COL19A1: variants seen among roughly 807,000 people sequenced by gnomAD.
The protein encoded by COL19A1 is collagen alpha-1(XIX) chain.
Under a neutral mutation model 190.2 loss-of-function variants are expected in COL19A1, and 159 were observed. The ratio of observed to expected loss-of-function variants is 0.84; its 90% CI spans 0.73 to 0.95. The LOEUF (loss-of-function observed/expected upper bound fraction) is 0.95, where lower values mean the gene tolerates loss of function less well. COL19A1 is among the 40% of genes least tolerant of loss of function. COL19A1 has a pLI of 0.00. For missense variants in COL19A1, 1,418 were observed against 1,431.9 expected (o/e 0.99, Z 0.16); for synonymous variants, 509 against 458.9 (o/e 1.11, Z -1.39).
At chr6:70,129,615 C>G (rs1024313516) in intron 17 of COL19A1, among the ~76,000 whole-genome samples, 1 of 152,198 alleles carries the variant, frequency 6.6e-6, no homozygotes, top group Non-Finnish European at 1.5e-5. Context: ...CTTACGGAGG[C>G]AGAGGCAGGA....
At chr6:69,875,290 G>A (rs571084232) in intron 1 of COL19A1, among the ~76,000 whole-genome samples, 20 of 152,290 alleles carry the variant, frequency 1.3e-4, no homozygotes, top group African/African-American at 4.8e-4. Context: ...ATGTGGTTAG[G>A]GGCCTGGTTA....
At chr6:69,959,966 C>G in intron 9 of COL19A1, 30 bp from the exon 10 acceptor site, 1 of 1,603,200 alleles carries the variant, frequency 6.2e-7, no homozygotes, top group South Asian at 1.1e-5. Flanking sequence ...CTTTATGGAT[C>G]ATAAACATTA....
intron 15 of COL19A1, among the ~76,000 whole-genome samples, chr6:70,100,438 A>G (rs984680169): frequency 7.9e-5 from 12 of 152,190 alleles, no homozygotes; most frequent in Admixed American, 7.2e-4. Context: ...GTTCATTTCA[A>G]TCTTACAATC....
intron 14 of COL19A1, among the ~76,000 whole-genome samples, chr6:70,060,128 A>G (rs775150643): frequency 2.0e-5 from 3 of 152,206 alleles, no homozygotes; most frequent in South Asian, 2.1e-4. Context: ...TCTCATAGAC[A>G]TCAGAGAATA....
chr6:70,180,654 A>T, intron 44 of COL19A1, 131 bp downstream of exon 44: 1 of 895,166 alleles, frequency 1.1e-6, no homozygotes, highest in Non-Finnish European at 1.8e-6. Context: ...GCACAGATGG[A>T]TTTTTGATGG....
intron 9 of COL19A1, among the ~76,000 whole-genome samples, chr6:69,945,754 T>A (rs1773757416): frequency 6.6e-6 from 1 of 152,014 alleles, no homozygotes; most frequent in African/African-American, 2.4e-5. Flanking sequence ...TACTTGTGGG[T>A]CTTCATCTGA....
At chr6:70,083,033 T>C (rs1379735129) in intron 15 of COL19A1, among the ~76,000 whole-genome samples, 1 of 152,134 alleles carries the variant, frequency 6.6e-6, no homozygotes, top group Non-Finnish European at 1.5e-5. Context: ...TTCCTAACAG[T>C]CCACAGACCG....
chr6:69,977,868 A>G (rs1252441682), intron 11 of COL19A1, among the ~76,000 whole-genome samples: 1 of 152,176 alleles, frequency 6.6e-6, no homozygotes, highest in African/African-American at 2.4e-5. Flanking sequence ...ATCAAACAAG[A>G]TTTAATATTT....
At chr6:70,192,395 G>A (rs1766929049) in intron 48 of COL19A1, among the ~76,000 whole-genome samples, 1 of 152,120 alleles carries the variant, frequency 6.6e-6, no homozygotes, top group South Asian at 2.1e-4. Flanking sequence ...CTTTTGTTGA[G>A]CTACCAGTAA....
At chr6:70,124,289 G>A (rs1017591431) in intron 17 of COL19A1, among the ~76,000 whole-genome samples, 6 of 152,138 alleles carry the variant, frequency 3.9e-5, no homozygotes, top group African/African-American at 1.2e-4. Flanking sequence ...TGATGTCACA[G>A]TGTCAGCTAC....
chr6:70,044,662 C>T (rs534226804), intron 14 of COL19A1, among the ~76,000 whole-genome samples: 4 of 152,272 alleles, frequency 2.6e-5, no homozygotes, highest in African/African-American at 7.2e-5. Context: ...GTCAGTGGAG[C>T]AGTCAGAACA....
At chr6:69,935,772 G>A (rs1189264134) in intron 7 of COL19A1, among the ~76,000 whole-genome samples, 1 of 151,776 alleles carries the variant, frequency 6.6e-6, no homozygotes, top group Non-Finnish European at 1.5e-5. Flanking sequence ...AGGATGTGCA[G>A]GTTTGTTACA....
chr6:69,926,514 T>C (rs1772407377), intron 4 of COL19A1, among the ~76,000 whole-genome samples: 1 of 152,050 alleles, frequency 6.6e-6, no homozygotes. Context: ...ATGAAAAATT[T>C]ACAGGAGGGG....
intron 14 of COL19A1, among the ~76,000 whole-genome samples, chr6:70,061,686 T>C (rs546501897): frequency 7.2e-5 from 11 of 152,232 alleles, no homozygotes; most frequent in African/African-American, 2.6e-4. Context: ...ATGTGTATGT[T>C]TTAGTAACTC....
intron 27 of COL19A1, among the ~76,000 whole-genome samples, chr6:70,148,975 G>GA (rs1181716458): frequency 2.0e-5 from 3 of 151,598 alleles, no homozygotes; most frequent in East Asian, 1.9e-4. Flanking sequence ...GGTGGTTGAG[G>GA]AAAAAATCAC....
chr6:70,155,180 A>G (rs560633409), intron 31 of COL19A1, among the ~76,000 whole-genome samples: 23 of 152,226 alleles, frequency 1.5e-4, no homozygotes, highest in Admixed American at 4.6e-4. Context: ...ATTGAATTTG[A>G]ATAGCCATGG....
At chr6:69,904,088 G>C (rs879325090) in intron 4 of COL19A1, among the ~76,000 whole-genome samples, 1 of 152,136 alleles carries the variant, frequency 6.6e-6, no homozygotes, top group Non-Finnish European at 1.5e-5. Flanking sequence ...CACATATGGG[G>C]TGAGAACAGC....
At chr6:70,063,940 C>A (rs958472830) in intron 14 of COL19A1, among the ~76,000 whole-genome samples, 3 of 152,142 alleles carry the variant, frequency 2.0e-5, no homozygotes, top group Non-Finnish European at 2.9e-5. Flanking sequence ...GAAGTTGAAT[C>A]TCTTAATAGA....
At chr6:69,992,992 T>C (rs1776709829) in intron 11 of COL19A1, among the ~76,000 whole-genome samples, 1 of 152,116 alleles carries the variant, frequency 6.6e-6, no homozygotes, top group African/African-American at 2.4e-5. Flanking sequence ...CAATACTGCG[T>C]TGAATGGGAG....
Sources: gnomAD v4.1 joint callset for allele counts (sites outside exome capture counted in the v4.1 genomes callset) on GRCh38, gnomAD v4.1.1 for gene constraint, MANE v1.5 for transcripts, NCBI Gene and HGNC (gene_info 2026-07-23, HGNC 2026-07-21) for gene names.